PARM1: variants seen among roughly 807,000 people sequenced by gnomAD.
The protein encoded by PARM1 is WSC4, cell wall integrity and stress response component 4 homolog.
Under a neutral mutation model 24.6 loss-of-function variants are expected in PARM1, and 14 were observed. The observed-to-expected ratio is 0.57, with a 90% CI of 0.38 to 0.89. The LOEUF (loss-of-function observed/expected upper bound fraction) is 0.89, where lower values mean the gene tolerates loss of function less well. Ranked by LOEUF, PARM1 falls within the 40% of genes least tolerant of loss-of-function variation. The pLI is 0.00. For synonymous variants in PARM1, 179 were observed against 156.6 expected, an observed-to-expected ratio of 1.14 and a Z score of -1.07; for missense variants, 362 against 380.4, an observed-to-expected ratio of 0.95 and a Z score of 0.40.
chr4:75,001,528 C>A (rs973672389), intron 1 of PARM1, among the ~76,000 whole-genome samples: 3 of 152,124 alleles, frequency 2.0e-5, no homozygotes, highest in Non-Finnish European at 4.4e-5. Context: ...GGTTCTGTAT[C>A]TTGATCTTGC....
intron 3 of PARM1, among the ~76,000 whole-genome samples, chr4:75,043,135 C>T (rs1723533437): frequency 1.3e-5 from 2 of 152,082 alleles, no homozygotes; most frequent in African/African-American, 4.8e-5. Flanking sequence ...TTCCAACATA[C>T]TAATAAACTT....
At chr4:75,020,009 CAAAAAAAAAAAA>C (rs1161399344) in intron 2 of PARM1, among the ~76,000 whole-genome samples, 13 of 31,102 alleles carry the variant, frequency 4.2e-4, no homozygotes, top group Admixed American at 5.9e-4. Context: ...GACTCCGTCT[CAAAAAAAAAAAA>C]AAAAAAAAAA....
At chr4:74,982,229 C>A (rs1722270949) in intron 1 of PARM1, among the ~76,000 whole-genome samples, 2 of 152,114 alleles carry the variant, frequency 1.3e-5, no homozygotes, top group African/African-American at 2.4e-5. Context: ...TCACTTATAA[C>A]TGGGAGCCGA....
intron 1 of PARM1, among the ~76,000 whole-genome samples, chr4:74,997,463 A>T (rs1004629813): frequency 5.3e-5 from 8 of 152,176 alleles, no homozygotes; most frequent in Non-Finnish European, 1.5e-5. Context: ...GACCTGAGGG[A>T]TTACTGGAAT....
intron 2 of PARM1, among the ~76,000 whole-genome samples, chr4:75,024,670 C>T (rs990761360): frequency 6.6e-6 from 1 of 152,242 alleles, no homozygotes; most frequent in African/African-American, 2.4e-5. Context: ...AAACTTTTCT[C>T]GTTTATTTTT....
intron 1 of PARM1, chr4:74,966,844 TG>T (rs1721914778): frequency 6.6e-6 from 1 of 152,198 alleles, no homozygotes; most frequent in Non-Finnish European, 1.5e-5. Context: ...GTTTGGCCAT[TG>T]GCATTACGGG....
rs373146257 is a variant in PARM1, at chr4:75,033,874, C to T, written c.770-9C>T. ...GTATCTTCTTTTCTGTGCCCTTCCT[C>T]CTTCACAGGCAGCATCGCCGCCATT... On this transcript the variant is annotated splice_polypyrimidine_tract_variant and intron_variant, in intron 2 of 3. Coordinates refer to ENST00000307428, the MANE Select transcript of PARM1 (RefSeq NM_015393.4). The T allele has an allele frequency of 1.1e-5, 17 of 1,591,666 alleles. No homozygotes were observed. The African/African-American group carries it at 2.0e-4, about 19-fold the overall frequency.
At chr4:74,960,252 A>C (rs1721740290) in intron 1 of PARM1, among the ~76,000 whole-genome samples, 1 of 152,204 alleles carries the variant, frequency 6.6e-6, no homozygotes, top group Non-Finnish European at 1.5e-5. Flanking sequence ...GGGTAAAGCA[A>C]GTTCCAAAAG....
chr4:74,941,214 G>A (rs1450282149), intron 1 of PARM1, among the ~76,000 whole-genome samples: 1 of 152,200 alleles, frequency 6.6e-6, no homozygotes, highest in African/African-American at 2.4e-5. Flanking sequence ...CATTCAGGAG[G>A]AGAGCCCAGA....
intron 1 of PARM1, among the ~76,000 whole-genome samples, chr4:75,011,328 C>T (rs148423436): frequency 1.3e-5 from 2 of 152,224 alleles, no homozygotes; most frequent in East Asian, 1.9e-4. Flanking sequence ...GCAAGGTAGA[C>T]TCATCCTGAC....
intron 1 of PARM1, among the ~76,000 whole-genome samples, chr4:74,998,119 T>A (rs944072113): frequency 6.6e-6 from 1 of 152,190 alleles, no homozygotes; most frequent in African/African-American, 2.4e-5. Context: ...ACAGTGCCAA[T>A]GACAACTCCC....
intron 1 of PARM1, chr4:74,997,911 C>T (rs1000922686): frequency 5.3e-5 from 8 of 152,108 alleles, no homozygotes; most frequent in Non-Finnish European, 1.5e-5. Context: ...ATAAGTGCAC[C>T]AAACGTAAAA....
At chr4:74,941,087 G>A (rs1322798497) in intron 1 of PARM1, among the ~76,000 whole-genome samples, 1 of 152,158 alleles carries the variant, frequency 6.6e-6, no homozygotes, top group Non-Finnish European at 1.5e-5. Context: ...GGGAATTCTT[G>A]CTATTAATGA....
chr4:74,956,726 C>G (rs1363073619), intron 1 of PARM1: 2 of 152,112 alleles, frequency 1.3e-5, no homozygotes, highest in African/African-American at 4.8e-5. Flanking sequence ...AACCTGAAGC[C>G]CAGTATTTAC....
At chr4:75,011,377 T>C (rs1184951135) in intron 1 of PARM1, among the ~76,000 whole-genome samples, 1 of 151,940 alleles carries the variant, frequency 6.6e-6, no homozygotes, top group East Asian at 1.9e-4. Context: ...GGGAAAGAAA[T>C]ACATGAAGGG....
chr4:74,949,109 T>G (rs1322531362), intron 1 of PARM1, among the ~76,000 whole-genome samples: 5 of 152,312 alleles, frequency 3.3e-5, no homozygotes, highest in Admixed American at 1.3e-4. Flanking sequence ...CATCATTACC[T>G]GAACATCCTT....
At chr4:75,028,674 T>C (rs540544803) in intron 2 of PARM1, among the ~76,000 whole-genome samples, 1 of 152,224 alleles carries the variant, frequency 6.6e-6, no homozygotes, top group Non-Finnish European at 1.5e-5. Flanking sequence ...AGGAGTCATC[T>C]ATGGATAGCA....
chr4:75,030,784 C>T (rs957402891), intron 2 of PARM1, among the ~76,000 whole-genome samples: 1 of 152,174 alleles, frequency 6.6e-6, no homozygotes, highest in Non-Finnish European at 1.5e-5. Flanking sequence ...TCTCCACTCC[C>T]AGTGGACTGC....
At chr4:74,989,925 G>T (rs1194744020) in intron 1 of PARM1, among the ~76,000 whole-genome samples, 1 of 152,126 alleles carries the variant, frequency 6.6e-6, no homozygotes, top group Non-Finnish European at 1.5e-5. Flanking sequence ...GGATTGTATT[G>T]GTGGCCTCAT....
Sources: allele counts gnomAD v4.1 joint callset (sites outside exome capture counted in the v4.1 genomes callset), GRCh38; gene constraint gnomAD v4.1.1; transcripts MANE v1.5; gene names NCBI Gene and HGNC (gene_info 2026-07-23, HGNC 2026-07-21).